The following ZNF146 variants were observed in gnomAD, a reference collection of about 807,000 sequenced individuals.
ZNF146 encodes the protein zinc finger protein OZF.
ZNF146 carries 9 observed loss-of-function variants against 22.2 expected under a neutral mutation model. The ratio of observed to expected loss-of-function variants is 0.41; its 90% CI spans 0.24 to 0.71. The LOEUF (loss-of-function observed/expected upper bound fraction) is 0.71, where lower values mean the gene tolerates loss of function less well. ZNF146 is among the 30% of genes least tolerant of loss of function. The pLI, the probability that ZNF146 is intolerant of heterozygous loss-of-function variation, is 0.34. For missense variants in ZNF146, 194 were observed against 344.8 expected (o/e 0.56, Z 3.46); for synonymous variants, 108 against 119.2 (o/e 0.91, Z 0.61).
chr19:36,221,753 TC>T (rs1220453736), intron 2 of ZNF146, among the ~76,000 whole-genome samples: 1 of 152,022 alleles, frequency 6.6e-6, no homozygotes, highest in African/African-American at 2.4e-5. Flanking sequence ...TTTGTTTGCT[TC>T]TTGTTTATCC....
At chr19:36,221,567 C>T (rs1976839565) in intron 2 of ZNF146, among the ~76,000 whole-genome samples, 2 of 152,138 alleles carry the variant, frequency 1.3e-5, no homozygotes, top group Admixed American at 6.5e-5. Context: ...GGATTACAGG[C>T]TTGAGCCACC....
At chr19:36,233,909 C>CT (rs559983431) in intron 3 of ZNF146, among the ~76,000 whole-genome samples, 331 of 147,652 alleles carry the variant, frequency 2.2e-3, no homozygotes, top group Non-Finnish European at 4.0e-3. Context: ...AGCACAGACC[C>CT]TTTACGGGTG....
intron 2 of ZNF146, among the ~76,000 whole-genome samples, chr19:36,219,563 C>G (rs1397839191): frequency 6.6e-6 from 1 of 152,050 alleles, no homozygotes; most frequent in Non-Finnish European, 1.5e-5. Context: ...CAGAGGTGAT[C>G]TTACATACTT....
chr19:36,227,384 T>C, intron 2 of ZNF146, among the ~76,000 whole-genome samples: 1 of 142,616 alleles, frequency 7.0e-6, no homozygotes, highest in South Asian at 2.3e-4. Context: ...AACGAGTCTC[T>C]GTCACAAAAA....
At chr19:36,231,440 C>T (rs1357610029) in intron 3 of ZNF146, among the ~76,000 whole-genome samples, 1 of 152,114 alleles carries the variant, frequency 6.6e-6, no homozygotes, top group African/African-American at 2.4e-5. Context: ...AACTCCTGAC[C>T]TCAAGTGATC....
intron 2 of ZNF146, among the ~76,000 whole-genome samples, chr19:36,227,650 G>T (rs1977131787): frequency 6.6e-6 from 1 of 152,036 alleles, no homozygotes; most frequent in Non-Finnish European, 1.5e-5. Context: ...GAACTCCTGG[G>T]CTCAAGTCAT....
At chr19:36,222,253 A>C (rs1206188152) in intron 2 of ZNF146, among the ~76,000 whole-genome samples, 1 of 152,140 alleles carries the variant, frequency 6.6e-6, no homozygotes, top group African/African-American at 2.4e-5. Flanking sequence ...ATAATCTTTA[A>C]AAGAAATTTT....
upstream of ZNF146, chr19:36,214,950 A>T (rs1352002738): frequency 6.5e-6 from 1 of 152,738 alleles, no homozygotes; most frequent in African/African-American, 2.4e-5. Context: ...GAGGAGACAG[A>T]GAGTCGACCA....
chr19:36,225,357 G>A (rs949578600), intron 2 of ZNF146, among the ~76,000 whole-genome samples: 16 of 152,268 alleles, frequency 1.1e-4, no homozygotes, highest in African/African-American at 3.6e-4. Context: ...TCTGTTTTCT[G>A]TCGATTCCCT....
rs527999817 is a variant in ZNF146, at chr19:36,234,591, G to A, written c.-782-1068G>A. ...TTTTTGTATTTTTAGTAGAGATGGG[G>A]TTTCACTGTGTTAGCCAGGATGGTC... On this transcript the variant is annotated intron_variant, in intron 3 of 3. Transcript: ENST00000443387. 4.1e-4 allele frequency among the ~76,000 whole-genome samples: 62 copies of A among 152,278 alleles called. 1 individual carries two copies. The highest frequency in any genetic ancestry group is 1.4e-3 in the African/African-American group (59 of 41,554).
At chr19:36,230,608 C>A (rs10416509) in intron 3 of ZNF146, among the ~76,000 whole-genome samples, 39,340 of 151,944 alleles carry the variant, frequency 0.26, 5,497 homozygotes, top group African/African-American at 0.37. Context: ...CCAGAAGGAA[C>A]AAAAGTGTTA....
rs376125262 is a variant in ZNF146 at position 36,236,644 on chromosome 19, C to T, written c.204C>T (p.Gly68=). Residue 68 remains glycine (G), a synonymous_variant, in exon 4 of 4, where the codon GGC becomes GGT. Coordinates refer to ENST00000443387, the MANE Select transcript of ZNF146 (RefSeq NM_007145.3). The part of the protein sequence containing the change: ...YVIKHQNTHT[G]EKLFECNECG... ...TTAAACATCAGAACACCCATACTGG[C>T]GAGAAGCTTTTCGAATGTAATGAAT... 95 of 1,613,958 alleles carry T rather than the reference C, an allele frequency of 5.9e-5. No homozygotes were observed. Among genetic ancestry groups the T allele is most frequent in the Non-Finnish European group, 7.4e-5 (87 of 1,180,020 alleles).
chr19:36,216,478 T>TA (rs909051358), intron 1 of ZNF146, among the ~76,000 whole-genome samples: 12 of 150,652 alleles, frequency 8.0e-5, no homozygotes, highest in East Asian at 5.8e-4. Context: ...CTGTCTCTAC[T>TA]AAAAAAAAAT....
intron 2 of ZNF146, among the ~76,000 whole-genome samples, chr19:36,225,687 C>T (rs1977033874): frequency 6.6e-6 from 1 of 151,502 alleles, no homozygotes; most frequent in Admixed American, 6.6e-5. Flanking sequence ...GTCTACCCAC[C>T]TCAGTGTCTC....
chr19:36,235,191 G>A (rs777136156), intron 3 of ZNF146, among the ~76,000 whole-genome samples: 1 of 148,386 alleles, frequency 6.7e-6, no homozygotes, highest in Non-Finnish European at 1.5e-5. Flanking sequence ...CCTGGATAAC[G>A]AGCGAAATTC....
intron 1 of ZNF146, among the ~76,000 whole-genome samples, chr19:36,216,991 C>G: frequency 6.8e-6 from 1 of 146,252 alleles, no homozygotes; most frequent in Non-Finnish European, 1.5e-5. Flanking sequence ...CCTAGGAGGT[C>G]AAGGCTGCAG....
chr19:36,223,214 T>A (rs918084458), intron 2 of ZNF146, among the ~76,000 whole-genome samples: 3 of 151,982 alleles, frequency 2.0e-5, no homozygotes, highest in African/African-American at 7.2e-5. Context: ...GTCAGGAGTT[T>A]GAGACTAGCC....
intron 1 of ZNF146, among the ~76,000 whole-genome samples, chr19:36,216,797 G>A (rs926928096): frequency 9.5e-5 from 14 of 147,642 alleles, no homozygotes; most frequent in African/African-American, 3.5e-4. Context: ...GCGTTGAGGT[G>A]TGGGGAGATG....
In ZNF146 at chr19:36,236,502, G is replaced by A; in HGVS notation, c.62G>A (p.Cys21Tyr). Residue 21 changes from cysteine (C) to tyrosine (Y), a missense_variant, in exon 4 of 4, where the codon TGT becomes TAT. Coordinates refer to ENST00000443387, the MANE Select transcript of ZNF146 (RefSeq NM_007145.3). Reference protein sequence around the residue: ...SGENPFACKVCGKVFSHKSNL... With the variant: ...SGENPFACKVYGKVFSHKSNL... ...GAAAACCCCTTTGCCTGTAAGGTAT[G>A]TGGAAAAGTCTTCAGCCACAAATCA... 6.2e-7 allele frequency: 1 copy of A among 1,614,156 alleles called. No homozygotes were observed. The highest frequency in any genetic ancestry group is 8.5e-7 in the Non-Finnish European group (1 of 1,180,014).
Sources: gnomAD v4.1 joint callset for allele counts (sites outside exome capture counted in the v4.1 genomes callset) on GRCh38, gnomAD v4.1.1 for gene constraint, MANE v1.5 for transcripts, NCBI Gene and HGNC (gene_info 2026-07-23, HGNC 2026-07-21) for gene names.